The following CPB1 variants were observed in gnomAD, a reference collection of about 807,000 sequenced individuals.
CPB1 encodes the protein carboxypeptidase B.
CPB1 carries 53 observed loss-of-function variants against 51.4 expected under a neutral mutation model. The ratio of observed to expected loss-of-function variants is 1.03; its 90% confidence interval spans 0.83 to 1.30. The LOEUF (loss-of-function observed/expected upper bound fraction) is 1.30, where lower values mean the gene tolerates loss of function less well. Ranked by LOEUF, CPB1 falls within the 50% of genes most tolerant of loss-of-function variation. The pLI is 0.00. For synonymous variants in CPB1, 189 were observed against 186.9 expected, an observed-to-expected ratio of 1.01 and a Z score of -0.09; for missense variants, 494 against 516.2, an observed-to-expected ratio of 0.96 and a Z score of 0.42.
intron 3 of CPB1, among the ~76,000 whole-genome samples, chr3:148,836,157 C>T (rs972898886): frequency 7.3e-5 from 11 of 151,346 alleles, no homozygotes; most frequent in African/African-American, 2.2e-4. Context: ...GGAGATTATA[C>T]GTTTTTTTTT....
chr3:148,852,171 T>C (rs1054202157), intron 9 of CPB1, among the ~76,000 whole-genome samples: 2 of 152,222 alleles, frequency 1.3e-5, no homozygotes, highest in Admixed American at 1.3e-4. Context: ...GGCATTCTCA[T>C]AGCACCTTTA....
At chr3:148,848,434 A>G (rs1713318884) in intron 9 of CPB1, among the ~76,000 whole-genome samples, 1 of 152,142 alleles carries the variant, frequency 6.6e-6, no homozygotes, top group African/African-American at 2.4e-5. Flanking sequence ...ATTTAAAGGA[A>G]ACAATGAGGA....
chr3:148,829,654 C>G (rs1000051883), intron 2 of CPB1, among the ~76,000 whole-genome samples: 1 of 152,098 alleles, frequency 6.6e-6, no homozygotes, highest in Non-Finnish European at 1.5e-5. Context: ...ATAACTCTTC[C>G]CCTAACTTTG....
At chr3:148,858,942 G>A (rs748867117) in intron 10 of CPB1, among the ~76,000 whole-genome samples, 22 of 152,066 alleles carry the variant, frequency 1.4e-4, no homozygotes, top group Non-Finnish European at 1.2e-4. Flanking sequence ...GAGTTGTTGG[G>A]ATTTATTTTA....
chr3:148,845,565 C>G lies in CPB1; in HGVS notation c.920C>G (p.Ser307Cys). 6 of 1,613,916 alleles carry G rather than the reference C, an allele frequency of 3.7e-6. No individual in the cohort carries two copies. The highest frequency in any genetic ancestry group is 5.1e-6 in the Non-Finnish European group (6 of 1,179,862). Residue 307 changes from serine (S) to cysteine (C), a missense_variant, in exon 9 of 11, where the codon TCC (serine) becomes TGC (cysteine). Transcript: ENST00000282957. ...GCATATCTGACAATCCACTCGTACTCCCAAATGATGATCTACCCTTACTCA... is the reference window on the plus strand; with the variant it reads ...GCATATCTGACAATCCACTCGTACTGCCAAATGATGATCTACCCTTACTCA... ...IKAYLTIHSYSQMMIYPYSYA... is the reference protein window; with the variant it reads ...IKAYLTIHSYCQMMIYPYSYA...
chr3:148,857,727 C>A (rs1713624118), intron 10 of CPB1, 186 bp downstream of exon 10: 2 of 480,324 alleles, frequency 4.2e-6, no homozygotes, highest in East Asian at 6.7e-5. Context: ...GACAACATAG[C>A]AAACTTTTCT....
intron 10 of CPB1, among the ~76,000 whole-genome samples, chr3:148,859,135 G>C (rs1490924676): frequency 6.6e-6 from 1 of 152,132 alleles, no homozygotes; most frequent in Non-Finnish European, 1.5e-5. Context: ...TACACTGTAA[G>C]ACTTTGGAGG....
intron 9 of CPB1, chr3:148,857,242 C>T: frequency 2.2e-6 from 1 of 446,788 alleles, no homozygotes; most frequent in South Asian, 2.6e-5. Context: ...AGAGTGAATG[C>T]TTGGGGAGGG....
At chr3:148,837,761 T>C (rs1576568398) in intron 3 of CPB1, among the ~76,000 whole-genome samples, 2 of 152,036 alleles carry the variant, frequency 1.3e-5, no homozygotes, top group African/African-American at 4.8e-5. Context: ...CTCACTCTGA[T>C]GCTCTTTTGC....
intron 9 of CPB1, among the ~76,000 whole-genome samples, chr3:148,850,137 G>A (rs1053198282): frequency 7.2e-5 from 11 of 152,152 alleles, no homozygotes; most frequent in African/African-American, 2.4e-4. Context: ...ATTCATTAAC[G>A]AGGAAAAAGA....
intron 3 of CPB1, among the ~76,000 whole-genome samples, chr3:148,836,172 GA>G (rs1385760260): frequency 6.6e-6 from 1 of 150,972 alleles, no homozygotes; most frequent in East Asian, 1.9e-4. Flanking sequence ...TTTTTTTTAA[GA>G]GTCAACAGTA....
chr3:148,836,373 A>C (rs1234910846), intron 3 of CPB1, among the ~76,000 whole-genome samples: 1 of 152,218 alleles, frequency 6.6e-6, no homozygotes, highest in South Asian at 2.1e-4. Flanking sequence ...ACTGAAAAGG[A>C]CAGCTAAAAT....
intron 5 of CPB1, 31 bp from the exon 6 acceptor site, chr3:148,841,792 A>T (rs1427590650): frequency 1.3e-6 from 2 of 1,582,922 alleles, no homozygotes; most frequent in Non-Finnish European, 8.7e-7. Flanking sequence ...ATGATGAATC[A>T]TGGTTTCCCT....
At chr3:148,838,539 A>G (rs1311988473) in intron 3 of CPB1, 1 of 151,624 alleles carries the variant, frequency 6.6e-6, no homozygotes, top group Admixed American at 6.6e-5. Context: ...TGGTTTGGTT[A>G]GTCTGTTTTT....
rs759721136 is a variant in CPB1, at chr3:148,840,717, G to C, written c.304G>C (p.Glu102Gln). Residue 102 changes from glutamate (E) to glutamine (Q), a missense_variant, in exon 4 of 11, where the codon GAG becomes CAG. By Grantham distance (29) the Glu-to-Gln change is conservative. Coordinates refer to ENST00000282957, the MANE Select transcript of CPB1 (RefSeq NM_001871.3). ...VLISNLRNVV[E>Q]AQFDSRVRAT... The stretch of plus-strand genomic sequence containing the variant: ...GATAAGCAACCTGAGAAATGTGGTG[G>C]AGGCTCAGTTTGATAGCCGGGTTCG... The C allele has an allele frequency of 7.4e-6, 12 of 1,614,030 alleles. No homozygotes were observed. In the South Asian group the frequency reaches 1.3e-4, roughly 18 times the overall value.
chr3:148,845,332 T>C, intron 8 of CPB1, 92 bp from the exon 9 acceptor site: 1 of 1,109,550 alleles, frequency 9.0e-7, no homozygotes, highest in Non-Finnish European at 1.4e-6. Context: ...TAAGGACTCC[T>C]ATGAAAACAA....
At chr3:148,845,709 C>T in intron 9 of CPB1, 83 bp downstream of exon 9, 2 of 1,107,634 alleles carry the variant, frequency 1.8e-6, no homozygotes, top group South Asian at 3.1e-5. Context: ...ATTATAAGAA[C>T]ACTTTCTGGA....
chr3:148,859,780 TAA>T (rs1713695440), intron 10 of CPB1, 33 bp from the exon 11 acceptor site: 1 of 1,546,586 alleles, frequency 6.5e-7, no homozygotes, highest in Non-Finnish European at 8.8e-7. Context: ...TTCCTAGATT[TAA>T]AGTTTTTTTT....
At chr3:148,841,005 G>A (rs1713059932) in intron 5 of CPB1, 30 bp downstream of exon 5, 1 of 1,553,446 alleles carries the variant, frequency 6.4e-7, no homozygotes, top group East Asian at 2.2e-5. Context: ...ACCTTGCCAT[G>A]TCTGAGGGCT....
Sources: gnomAD v4.1 joint callset for allele counts (sites outside exome capture counted in the v4.1 genomes callset) on GRCh38, gnomAD v4.1.1 for gene constraint, MANE v1.5 for transcripts, NCBI Gene and HGNC (gene_info 2026-07-23, HGNC 2026-07-21) for gene names.